SAE1: variants seen among roughly 807,000 people sequenced by gnomAD.
SAE1 encodes the protein SUMO-activating enzyme subunit 1.
In SAE1, 11 loss-of-function variants were observed where a neutral mutation model predicts 40.6. That is an observed-to-expected ratio of 0.27 (90% CI 0.17 to 0.45). The LOEUF (loss-of-function observed/expected upper bound fraction) is 0.45, where lower values mean the gene tolerates loss of function less well. SAE1 is among the 20% of genes least tolerant of loss of function. The probability of loss-of-function intolerance (pLI) is 1.00; values close to 1 mark genes in which losing one functional copy is unlikely to be tolerated. For missense variants in SAE1, 373 were observed against 427.3 expected (o/e 0.87, Z 1.12); for synonymous variants, 155 against 154.3 (o/e 1.00, Z -0.03).
At chr19:47,194,185 T>C (rs1022385559) in intron 6 of SAE1, among the ~76,000 whole-genome samples, 2 of 152,166 alleles carry the variant, frequency 1.3e-5, no homozygotes, top group Non-Finnish European at 2.9e-5. Context: ...ATTGGACCTT[T>C]AGCACCCAGG....
intron 1 of SAE1, among the ~76,000 whole-genome samples, chr19:47,133,368 G>A (rs771139132): frequency 2.0e-5 from 3 of 152,150 alleles, no homozygotes; most frequent in African/African-American, 4.8e-5. Context: ...TGGGACTATC[G>A]GCATGTGCCA....
intron 6 of SAE1, among the ~76,000 whole-genome samples, chr19:47,173,821 G>C (rs1037415315): frequency 7.1e-6 from 1 of 140,356 alleles, no homozygotes. Flanking sequence ...GTCTCTCTCT[G>C]TCACCCAGGC....
rs1195898690 is a variant in SAE1 at position 47,145,281 on chromosome 19, G to A, written c.210+1676G>A. On this transcript the variant is annotated intron_variant, in intron 2 of 8. Transcript: ENST00000270225. Reference sequence around the variant, plus strand: ...CTCCCAAAGTGCTGGGATTGCAGGCGTGAGCCACCGCACCCGGCCATGCCT... The same window carrying A: ...CTCCCAAAGTGCTGGGATTGCAGGCATGAGCCACCGCACCCGGCCATGCCT... Among the ~76,000 whole-genome samples the A allele has an allele frequency of 3.9e-5, 6 of 152,096 alleles. No homozygotes were observed. The East Asian group carries it at 5.8e-4, about 15-fold the overall frequency.
intron 6 of SAE1, among the ~76,000 whole-genome samples, chr19:47,191,614 G>A (rs1314605536): frequency 6.6e-6 from 1 of 152,184 alleles, no homozygotes; most frequent in Admixed American, 6.5e-5. Context: ...GACAGTGGCA[G>A]GAACCCTGTG....
intron 6 of SAE1, among the ~76,000 whole-genome samples, chr19:47,173,928 G>A (rs1474732358): frequency 6.6e-6 from 1 of 152,024 alleles, no homozygotes; most frequent in Admixed American, 6.6e-5. Flanking sequence ...GGGACTACAG[G>A]CGCCTGCCAC....
intron 5 of SAE1, among the ~76,000 whole-genome samples, chr19:47,169,445 C>A (rs1308756845): frequency 1.3e-5 from 2 of 151,964 alleles, no homozygotes; most frequent in Admixed American, 1.3e-4. Flanking sequence ...GGGGTTTCAC[C>A]ATGTTGGCCA....
chr19:47,207,925 T>G (rs1441232653), intron 8 of SAE1, among the ~76,000 whole-genome samples: 3 of 152,106 alleles, frequency 2.0e-5, no homozygotes, highest in Non-Finnish European at 4.4e-5. Flanking sequence ...TGTGAGACAT[T>G]AAGCCCAGCC....
chr19:47,184,612 C>T (rs1181624348), intron 6 of SAE1, among the ~76,000 whole-genome samples: 1 of 151,580 alleles, frequency 6.6e-6, no homozygotes, highest in Non-Finnish European at 1.5e-5. Context: ...GGTTTCACCA[C>T]GTTGGCCAGG....
chr19:47,176,705 C>T (rs572527859), intron 6 of SAE1, among the ~76,000 whole-genome samples: 8 of 152,320 alleles, frequency 5.3e-5, no homozygotes, highest in African/African-American at 1.9e-4. Context: ...CATGCATGTG[C>T]TTGCCATGTT....
chr19:47,131,793 C>G (rs1377670268), intron 1 of SAE1, among the ~76,000 whole-genome samples: 1 of 149,422 alleles, frequency 6.7e-6, no homozygotes, highest in Non-Finnish European at 1.5e-5. Context: ...CTCTGCCTCC[C>G]GGATTCAAGC....
chr19:47,192,601 G>A lies in SAE1; in HGVS notation c.734-4632G>A, dbSNP rs990547944. Among the ~76,000 whole-genome samples, 43 of 152,098 alleles carry A rather than the reference G, an allele frequency of 2.8e-4. 1 individual carries two copies. Among genetic ancestry groups the A allele is most frequent in the Non-Finnish European group, 7.4e-5 (5 of 67,996 alleles). On this transcript the variant is annotated intron_variant, in intron 6 of 8. Coordinates refer to ENST00000270225, the MANE Select transcript of SAE1 (RefSeq NM_005500.3). ...TCTGTAGCCCAGACTGGAGTGCAGCGGTGTGATTTCGGCTCACCGCAACCT... is the reference window on the plus strand; with the variant it reads ...TCTGTAGCCCAGACTGGAGTGCAGCAGTGTGATTTCGGCTCACCGCAACCT...
rs1031819780 is a variant in SAE1, at chr19:47,209,445, A to G, written c.*194A>G. 7.5e-6 allele frequency: 7 copies of G among 936,320 alleles called. No homozygotes were observed. In the African/African-American group the frequency reaches 1.2e-4, roughly 16 times the overall value. 58.0% of individuals were successfully genotyped at this position (936,320 alleles called of 1,614,324 possible). A position where few individuals can be genotyped will look rare whatever the true frequency, so the allele number is the denominator to read the frequency against. ...CCAGCAGCTGCTCGACAAGGGGCGC[A>G]GGGTGGCTGTCTTTGTTCCAGCACT... On this transcript the variant is annotated 3_prime_UTR_variant, in exon 9 of 9. Coordinates refer to ENST00000270225, the MANE Select transcript of SAE1 (RefSeq NM_005500.3).
Position 47,150,256 on chromosome 19 carries a change from C to A in SAE1, c.265C>A (p.Arg89=). Residue 89 remains arginine, a synonymous_variant, in exon 3 of 9, where the codon CGA becomes AGA. Transcript: ENST00000270225. ...QFLIRTGSVG[R]NRAEASLERA... Reference sequence around the variant, plus strand: ...CTTGATTCGTACTGGGTCTGTTGGCCGAAATAGGGCTGAAGCCTCTTTGGA... The same window carrying A: ...CTTGATTCGTACTGGGTCTGTTGGCAGAAATAGGGCTGAAGCCTCTTTGGA... 5.6e-6 allele frequency: 9 copies of A among 1,613,172 alleles called. No homozygotes were observed. Among genetic ancestry groups the A allele is most frequent in the Non-Finnish European group, 7.6e-6 (9 of 1,179,702 alleles).
intron 7 of SAE1, 35 bp from the exon 8 acceptor site, chr19:47,203,636 C>T: frequency 3.8e-6 from 6 of 1,588,538 alleles, no homozygotes; most frequent in Non-Finnish European, 5.2e-6. Flanking sequence ...GTTCTGTTCC[C>T]AGTGCTCCAT....
chr19:47,167,832 A>G (rs984972287), intron 5 of SAE1, among the ~76,000 whole-genome samples: 6 of 152,132 alleles, frequency 3.9e-5, no homozygotes, highest in Non-Finnish European at 4.4e-5. Flanking sequence ...TTTTTTAGAG[A>G]CGGGATCTAA....
At chr19:47,182,998 C>T (rs1354853746) in intron 6 of SAE1, among the ~76,000 whole-genome samples, 1 of 152,144 alleles carries the variant, frequency 6.6e-6, no homozygotes, top group African/African-American at 2.4e-5. Context: ...TCACTGCAAC[C>T]TCTGCCTCCC....
At chr19:47,171,004 C>T (rs2058427719) in intron 6 of SAE1, among the ~76,000 whole-genome samples, 1 of 152,132 alleles carries the variant, frequency 6.6e-6, no homozygotes, top group South Asian at 2.1e-4. Flanking sequence ...GAGATGGAGT[C>T]TCGCTCTGTC....
intron 6 of SAE1, among the ~76,000 whole-genome samples, chr19:47,177,541 T>C (rs1048776510): frequency 5.3e-5 from 8 of 152,240 alleles, no homozygotes; most frequent in African/African-American, 1.9e-4. Flanking sequence ...AAAATCTGTT[T>C]GTACAGATTG....
chr19:47,137,169 A>T (rs2058185637), intron 1 of SAE1, among the ~76,000 whole-genome samples: 1 of 151,970 alleles, frequency 6.6e-6, no homozygotes, highest in Admixed American at 6.6e-5. Flanking sequence ...TGGGTGGATC[A>T]CCTGAGGTCA....
Sources: gnomAD v4.1 joint callset for allele counts (sites outside exome capture counted in the v4.1 genomes callset) on GRCh38, gnomAD v4.1.1 for gene constraint, MANE v1.5 for transcripts, NCBI Gene and HGNC (gene_info 2026-07-23, HGNC 2026-07-21) for gene names.